Variants in SLC71A2 observed in about 807,000 individuals in gnomAD.
SLC71A2 encodes solute carrier family 71 member 2, also known as hippocampus abundant transcript-like 1.
chr9:94,449,617 C>T, the SLC71A2 span, among the ~76,000 whole-genome samples: 1 of 152,210 alleles, frequency 6.6e-6, no homozygotes, highest in Non-Finnish European at 1.5e-5. Flanking sequence ...CTCATACTTG[C>T]TGGTGAGAAT....
the SLC71A2 span, chr9:94,445,188 T>C: frequency 6.3e-7 from 1 of 1,589,590 alleles, no homozygotes; most frequent in Non-Finnish European, 8.6e-7. Flanking sequence ...TTGCGGTAAA[T>C]AAAAATATGG....
the SLC71A2 span, chr9:94,415,169 T>C: frequency 6.2e-7 from 1 of 1,613,652 alleles, no homozygotes; most frequent in Non-Finnish European, 8.5e-7. Context: ...TACAAGGCTT[T>C]GGCCGACCAA....
chr9:94,404,653 G>C, the SLC71A2 span, among the ~76,000 whole-genome samples: 1 of 151,978 alleles, frequency 6.6e-6, no homozygotes, highest in Non-Finnish European at 1.5e-5. Context: ...TTTTAGAGAG[G>C]GCTATTCAGT....
chr9:94,455,639 C>G, the SLC71A2 span, among the ~76,000 whole-genome samples: 4 of 152,150 alleles, frequency 2.6e-5, no homozygotes, highest in Non-Finnish European at 4.4e-5. Flanking sequence ...ACTTTGTCAT[C>G]ATGTGAGGTT....
chr9:94,459,950 TAAA>T, the SLC71A2 span: 1 of 153,206 alleles, frequency 6.5e-6, no homozygotes, highest in African/African-American at 2.4e-5. Flanking sequence ...AAAGGTCAAA[TAAA>T]AACCTAGTCT....
the SLC71A2 span, among the ~76,000 whole-genome samples, chr9:94,422,031 G>A: frequency 6.6e-6 from 1 of 152,098 alleles, no homozygotes; most frequent in Non-Finnish European, 1.5e-5. Flanking sequence ...TCCTGCCTCA[G>A]CCTCCCGAGT....
chr9:94,383,215 T>G, the SLC71A2 span, among the ~76,000 whole-genome samples: 1 of 138,930 alleles, frequency 7.2e-6, no homozygotes, highest in South Asian at 2.3e-4. Flanking sequence ...CATGCTAGAG[T>G]GCAGTGGCGC....
chr9:94,419,307 T>C, the SLC71A2 span, among the ~76,000 whole-genome samples: 3 of 150,572 alleles, frequency 2.0e-5, no homozygotes, highest in Non-Finnish European at 3.0e-5. Flanking sequence ...TCTTTTTTTT[T>C]TTTTTTTGAG....
At chr9:94,414,490 C>G in the SLC71A2 span, among the ~76,000 whole-genome samples, 1 of 152,174 alleles carries the variant, frequency 6.6e-6, no homozygotes, top group Non-Finnish European at 1.5e-5. Flanking sequence ...ACCCATCTCT[C>G]TTATTATGTA....
chr9:94,436,233 T>C, the SLC71A2 span, among the ~76,000 whole-genome samples: 1 of 152,224 alleles, frequency 6.6e-6, no homozygotes, highest in African/African-American at 2.4e-5. Context: ...GAGGGTTGGC[T>C]GTGTAGAGAT....
chr9:94,417,679 A>C, the SLC71A2 span, among the ~76,000 whole-genome samples: 1 of 152,198 alleles, frequency 6.6e-6, no homozygotes, highest in African/African-American at 2.4e-5. Context: ...ACTATGCTAT[A>C]ATGTGTGTAG....
chr9:94,397,794 T>G, the SLC71A2 span, among the ~76,000 whole-genome samples: 1 of 152,232 alleles, frequency 6.6e-6, no homozygotes, highest in Non-Finnish European at 1.5e-5. Flanking sequence ...TACGGGTGTT[T>G]GGGAAGAAGC....
chr9:94,402,175 C>G, the SLC71A2 span, among the ~76,000 whole-genome samples: 5 of 152,192 alleles, frequency 3.3e-5, no homozygotes, highest in African/African-American at 1.2e-4. Context: ...AATTCCTTAA[C>G]TGTCTGGGAA....
chr9:94,418,107 C>T, the SLC71A2 span, among the ~76,000 whole-genome samples: 47,954 of 151,980 alleles, frequency 0.32, 7,857 homozygotes, highest in Admixed American at 0.45. Context: ...CTGATCCGCC[C>T]GCCTCGGGCT....
At chr9:94,388,070 C>G in the SLC71A2 span, among the ~76,000 whole-genome samples, 1 of 152,242 alleles carries the variant, frequency 6.6e-6, no homozygotes, top group East Asian at 1.9e-4. Flanking sequence ...TAGAATATCT[C>G]TTTATACTGT....
At chr9:94,455,550 C>G in the SLC71A2 span, among the ~76,000 whole-genome samples, 1 of 152,026 alleles carries the variant, frequency 6.6e-6, no homozygotes, top group African/African-American at 2.4e-5. Flanking sequence ...TTGCTTGATT[C>G]TCCTTGTTCT....
chr9:94,425,611 G>T, the SLC71A2 span, among the ~76,000 whole-genome samples: 16 of 152,094 alleles, frequency 1.1e-4, no homozygotes, highest in Non-Finnish European at 2.1e-4. Flanking sequence ...TCCATTAAGT[G>T]CAGGGTCTGC....
At chr9:94,457,739 T>C in the SLC71A2 span, among the ~76,000 whole-genome samples, 1 of 152,386 alleles carries the variant, frequency 6.6e-6, no homozygotes, top group Middle Eastern at 3.4e-3. Flanking sequence ...TGTCAGCATA[T>C]AAAAGTTTTG....
chr9:94,401,857 T>C, the SLC71A2 span, among the ~76,000 whole-genome samples: 1 of 152,190 alleles, frequency 6.6e-6, no homozygotes, highest in South Asian at 2.1e-4. Context: ...GGCTACTCCA[T>C]AGACAGAGCA....
Sources: allele counts gnomAD v4.1 joint callset (sites outside exome capture counted in the v4.1 genomes callset), GRCh38; gene constraint gnomAD v4.1.1; transcripts MANE v1.5; gene names NCBI Gene and HGNC (gene_info 2026-07-23, HGNC 2026-07-21).